MYOF: variants seen among roughly 807,000 people sequenced by gnomAD.
MYOF encodes the protein myoferlin, also known as fer-1-like 3, myoferlin.
In MYOF, 244 loss-of-function variants were observed where a neutral mutation model predicts 284.2. The ratio of observed to expected loss-of-function variants is 0.86; its 90% CI spans 0.77 to 0.95. MYOF has a LOEUF of 0.95. Ranked by LOEUF, MYOF falls within the 40% of genes least tolerant of loss-of-function variation. MYOF has a pLI of 0.00. For synonymous variants in MYOF, 904 were observed against 919.7 expected, an observed-to-expected ratio of 0.98 and a Z score of 0.31; for missense variants, 2,496 against 2,560.6, an observed-to-expected ratio of 0.97 and a Z score of 0.54.
At chr10:93,357,173 C>T (rs1715986454) in intron 29 of MYOF, among the ~76,000 whole-genome samples, 1 of 152,110 alleles carries the variant, frequency 6.6e-6, no homozygotes, top group South Asian at 2.1e-4. Flanking sequence ...TGTTTCCTCA[C>T]TTCATTATTT....
chr10:93,383,564 C>A lies in MYOF; in HGVS notation c.1699-2168G>T, dbSNP rs80040811. On this transcript the variant is annotated intron_variant, in intron 19 of 53. Coordinates refer to ENST00000359263, the MANE Select transcript of MYOF (RefSeq NM_013451.4). ...CTCTGCTTAACTACCCACAGCGAAG[C>A]CCCCTGGAATACCCGTGGTCCAGAA... Among the ~76,000 whole-genome samples the A allele has an allele frequency of 3.3e-3, 497 of 152,238 alleles. 2 individuals carry two copies. Among genetic ancestry groups the A allele is most frequent in the African/African-American group, 0.011 (476 of 41,546 alleles).
At chr10:93,391,154 A>G (rs896549567) in intron 17 of MYOF, among the ~76,000 whole-genome samples, 1 of 152,222 alleles carries the variant, frequency 6.6e-6, no homozygotes, top group Non-Finnish European at 1.5e-5. Context: ...TCCACTGCAT[A>G]TCAGCTTAAT....
At chr10:93,423,118 T>G (rs1848424669) in intron 5 of MYOF, among the ~76,000 whole-genome samples, 1 of 152,180 alleles carries the variant, frequency 6.6e-6, no homozygotes, top group South Asian at 2.1e-4. Context: ...AAGATAAGGT[T>G]ACGGACCTTA....
chr10:93,411,574 C>T (rs554286031), intron 5 of MYOF, among the ~76,000 whole-genome samples: 8 of 152,132 alleles, frequency 5.3e-5, no homozygotes, highest in African/African-American at 1.7e-4. Flanking sequence ...TTCCTGGAAC[C>T]AGCTATGGGG....
intron 19 of MYOF, among the ~76,000 whole-genome samples, chr10:93,381,954 T>C (rs1228847338): frequency 1.3e-5 from 2 of 152,146 alleles, no homozygotes; most frequent in African/African-American, 2.4e-5. Context: ...CGAGAATCTC[T>C]TGAACTCAGG....
chr10:93,334,151 G>C (rs1795772516), intron 41 of MYOF, among the ~76,000 whole-genome samples: 1 of 152,180 alleles, frequency 6.6e-6, no homozygotes, highest in Non-Finnish European at 1.5e-5. Context: ...TGGGAGTCAA[G>C]AGGAGAACAT....
chr10:93,411,715 G>A (rs1847907986), intron 5 of MYOF, among the ~76,000 whole-genome samples: 1 of 152,156 alleles, frequency 6.6e-6, no homozygotes, highest in Admixed American at 6.5e-5. Context: ...CCCAGGGTGG[G>A]CCCTGCTCCT....
intron 40 of MYOF, among the ~76,000 whole-genome samples, chr10:93,336,602 A>T (rs755106292): frequency 2.0e-5 from 3 of 152,212 alleles, no homozygotes; most frequent in Non-Finnish European, 2.9e-5. Context: ...CTGGAAAGGG[A>T]CACGGGGAAG....
intron 50 of MYOF, among the ~76,000 whole-genome samples, chr10:93,315,786 G>A (rs1842588980): frequency 6.6e-6 from 1 of 152,108 alleles, no homozygotes; most frequent in East Asian, 1.9e-4. Flanking sequence ...GTGGTTGGCG[G>A]GTTGGAGGAG....
intron 49 of MYOF, among the ~76,000 whole-genome samples, chr10:93,319,431 T>C (rs1259959696): frequency 6.6e-6 from 1 of 152,170 alleles, no homozygotes; most frequent in Admixed American, 6.5e-5. Flanking sequence ...AGGAGGGCCC[T>C]GAGCCCTCAT....
rs2134427916 is a variant in MYOF, at chr10:93,482,262, C to T, written c.-68G>A. The T allele has an allele frequency of 7.4e-7, 1 of 1,342,822 alleles. No homozygotes were observed. The highest frequency in any genetic ancestry group is 1.1e-6 in the Non-Finnish European group (1 of 944,718). The allele number at this position is 1,342,822 out of a possible 1,614,324, so 83.2% of individuals were successfully genotyped here. The stretch of plus-strand genomic sequence containing the variant: ...AGACTAGGGCGCTGGAGCTCCGGGT[C>T]GCACCGCCCTGGGAGAGAAGTTCTC... On this transcript the variant is annotated 5_prime_UTR_variant, in exon 1 of 54. Coordinates refer to ENST00000359263, the MANE Select transcript of MYOF (RefSeq NM_013451.4).
chr10:93,407,770 G>A (rs1016899664), intron 7 of MYOF, among the ~76,000 whole-genome samples: 2 of 151,286 alleles, frequency 1.3e-5, no homozygotes, highest in East Asian at 1.9e-4. Context: ...TTATCAGTAT[G>A]GGGGGCAAAA....
In MYOF at chr10:93,377,281, C is replaced by T. The variant is rs201851210; in HGVS notation, c.2108+42G>A. 2,573 of 1,318,232 alleles carry T rather than the reference C, an allele frequency of 2.0e-3. 2 individuals are homozygous for T. The highest frequency in any genetic ancestry group is 3.1e-3 in the Middle Eastern group (17 of 5,524). The allele number at this position is 1,318,232 out of a possible 1,614,324, so 81.7% of individuals were successfully genotyped here. On this transcript the variant is annotated intron_variant, in intron 22 of 53. Coordinates refer to ENST00000359263, the MANE Select transcript of MYOF (RefSeq NM_013451.4). ...ACAGTCTTAGAATTTCAGGGAGGAG[C>T]GCCTGGATGAAAATTCTGAGATAGG...
At chr10:93,426,884 CTTTT>C (rs1169014883) in intron 4 of MYOF, among the ~76,000 whole-genome samples, 22 of 104,740 alleles carry the variant, frequency 2.1e-4, no homozygotes, top group East Asian at 7.5e-4. Flanking sequence ...ACGAGACTGT[CTTTT>C]TTTTTTTTTT....
Position 93,349,927 on chromosome 10 carries a change from C to T in MYOF, c.3964G>A (p.Ala1322Thr). Residue 1322 changes from alanine to threonine, a missense_variant, in exon 36 of 54, where the codon GCT (alanine) becomes ACT (threonine). By Grantham distance (58) the Ala-to-Thr change is moderately conservative. Coordinates refer to ENST00000359263, the MANE Select transcript of MYOF (RefSeq NM_013451.4). The stretch of plus-strand genomic sequence containing the variant: ...ACAAGACTGGGGGATGTGATAGAAG[C>T]CATCTGGAAGTTTTTCATATTTCTT... ...GLRNMKNFQM[A>T]SITSPSLVVE... 6.2e-7 allele frequency: 1 copy of T among 1,614,054 alleles called. No individual in the cohort carries two copies. The highest frequency in any genetic ancestry group is 2.2e-5 in the East Asian group (1 of 44,876).
intron 4 of MYOF, among the ~76,000 whole-genome samples, chr10:93,428,060 G>A (rs1036105999): frequency 7.2e-5 from 11 of 151,946 alleles, no homozygotes; most frequent in Admixed American, 2.0e-4. Flanking sequence ...GGAGTCCTTT[G>A]CAAATAAGGA....
intron 3 of MYOF, among the ~76,000 whole-genome samples, chr10:93,446,230 C>T (rs768018314): frequency 9.5e-5 from 14 of 146,658 alleles, no homozygotes; most frequent in Admixed American, 2.0e-4. Context: ...GTAAACTATG[C>T]AGTGGAATCT....
intron 38 of MYOF, among the ~76,000 whole-genome samples, chr10:93,341,421 G>A (rs528216195): frequency 2.8e-4 from 42 of 152,032 alleles, no homozygotes; most frequent in African/African-American, 9.2e-4. Context: ...GATTACAGGC[G>A]CCTGCCACCA....
chr10:93,432,863 C>T (rs1387904857), intron 3 of MYOF, among the ~76,000 whole-genome samples: 1 of 152,088 alleles, frequency 6.6e-6, no homozygotes, highest in Non-Finnish European at 1.5e-5. Flanking sequence ...CAGCAGGTTC[C>T]TGAATGAAGG....
Sources: allele counts gnomAD v4.1 joint callset (sites outside exome capture counted in the v4.1 genomes callset), GRCh38; gene constraint gnomAD v4.1.1; transcripts MANE v1.5; gene names NCBI Gene and HGNC (gene_info 2026-07-23, HGNC 2026-07-21).